The following NRG3 variants were observed in gnomAD, a reference collection of about 807,000 sequenced individuals.
The protein encoded by NRG3 is pro-neuregulin-3, membrane-bound isoform.
Under a neutral mutation model 66.9 loss-of-function variants are expected in NRG3, and 31 were observed. The ratio of observed to expected loss-of-function variants is 0.46; its 90% CI spans 0.35 to 0.63. The LOEUF (loss-of-function observed/expected upper bound fraction) is 0.63. Ranked by LOEUF, NRG3 falls within the 20% of genes least tolerant of loss-of-function variation. The pLI, the probability that NRG3 is intolerant of heterozygous loss-of-function variation, is 0.00. For synonymous variants in NRG3, 393 were observed against 359.4 expected (o/e 1.09, Z -1.06); for missense variants, 910 against 878.9 (o/e 1.04, Z -0.45).
intron 1 of NRG3, chr10:82,166,722 T>C (rs1194922145): frequency 4.8e-6 from 3 of 630,268 alleles, no homozygotes; most frequent in African/African-American, 3.6e-5. Context: ...CATTCTTTTG[T>C]TTAGATCAAT....
At chr10:82,790,297 A>G (rs930441307) in intron 3 of NRG3, among the ~76,000 whole-genome samples, 2 of 152,068 alleles carry the variant, frequency 1.3e-5, no homozygotes, top group African/African-American at 4.8e-5. Flanking sequence ...CTATTAATTA[A>G]TATTCTCTTT....
intron 1 of NRG3, among the ~76,000 whole-genome samples, chr10:81,890,998 T>A (rs1264782634): frequency 6.6e-6 from 1 of 152,186 alleles, no homozygotes; most frequent in Non-Finnish European, 1.5e-5. Flanking sequence ...AGCTACAAGG[T>A]ATGAAATGAA....
chr10:82,093,440 G>C (rs1412204721), intron 1 of NRG3, among the ~76,000 whole-genome samples: 2 of 152,124 alleles, frequency 1.3e-5, no homozygotes, highest in African/African-American at 2.4e-5. Context: ...AGTTAAAGTT[G>C]GCAGTAATTA....
At chr10:81,954,381 T>C (rs1470343070) in intron 1 of NRG3, among the ~76,000 whole-genome samples, 2 of 152,230 alleles carry the variant, frequency 1.3e-5, no homozygotes, top group Non-Finnish European at 2.9e-5. Context: ...AGTGAAGTTA[T>C]TTTCTTTCTT....
intron 2 of NRG3, among the ~76,000 whole-genome samples, chr10:82,721,628 G>T (rs1207802441): frequency 2.0e-5 from 3 of 151,682 alleles, no homozygotes; most frequent in Non-Finnish European, 4.4e-5. Flanking sequence ...TCACGGTGTT[G>T]GTCAGGCTCG....
intron 2 of NRG3, among the ~76,000 whole-genome samples, chr10:82,598,388 A>C (rs1319481992): frequency 6.6e-6 from 1 of 152,232 alleles, no homozygotes; most frequent in African/African-American, 2.4e-5. Context: ...GAAGGAAAAC[A>C]AGCCACAAAT....
Position 82,844,628 on chromosome 10 carries a change from T to C in NRG3, c.1028-20783T>C, listed in dbSNP as rs544542960. 7.9e-5 allele frequency among the ~76,000 whole-genome samples: 12 copies of C among 151,588 alleles called. No homozygotes were observed. The East Asian group carries it at 2.1e-3, about 27-fold the overall frequency. On this transcript the variant is annotated intron_variant, in intron 3 of 8. Coordinates refer to ENST00000372141, the MANE Select transcript of NRG3 (RefSeq NM_001010848.4). ...AACTTAACAACATTTTACAGGATAG[T>C]ACAAAATAGTTAATCTCCTAGGATC...
chr10:82,437,475 T>G (rs1335151265), intron 2 of NRG3, among the ~76,000 whole-genome samples: 1 of 152,064 alleles, frequency 6.6e-6, no homozygotes, highest in Non-Finnish European at 1.5e-5. Context: ...TTGCATTGTG[T>G]TAGAACATGC....
chr10:82,237,548 C>A (rs985146218), intron 1 of NRG3, among the ~76,000 whole-genome samples: 1 of 151,554 alleles, frequency 6.6e-6, no homozygotes, highest in African/African-American at 2.4e-5. Flanking sequence ...TTCATTCATT[C>A]ATATATGCTC....
intron 4 of NRG3, among the ~76,000 whole-genome samples, chr10:82,948,901 T>A (rs1347551382): frequency 2.0e-5 from 3 of 152,172 alleles, no homozygotes; most frequent in Non-Finnish European, 2.9e-5. Context: ...TGATTTTTAT[T>A]CCTATTTTTT....
intron 1 of NRG3, among the ~76,000 whole-genome samples, chr10:82,152,311 T>C (rs2070814306): frequency 6.6e-6 from 1 of 152,204 alleles, no homozygotes; most frequent in Non-Finnish European, 1.5e-5. Context: ...AGGATCTGCT[T>C]TGTTGCTAAC....
At chr10:82,194,068 C>G (rs1470149647) in intron 1 of NRG3, among the ~76,000 whole-genome samples, 5 of 152,116 alleles carry the variant, frequency 3.3e-5, no homozygotes, top group African/African-American at 1.2e-4. Context: ...AGAACCTTTA[C>G]CAAGAAGAGA....
chr10:82,804,894 T>G (rs2135460943), intron 3 of NRG3, among the ~76,000 whole-genome samples: 1 of 152,346 alleles, frequency 6.6e-6, no homozygotes, highest in South Asian at 2.1e-4. Flanking sequence ...ATGTGGAAAC[T>G]TTGATCCATA....
intron 1 of NRG3, among the ~76,000 whole-genome samples, chr10:82,307,251 T>C (rs1411590516): frequency 6.6e-6 from 1 of 152,200 alleles, no homozygotes; most frequent in Non-Finnish European, 1.5e-5. Flanking sequence ...ATCTTATTAT[T>C]TATTCTTTTC....
At chr10:82,022,586 T>C (rs1403386492) in intron 1 of NRG3, among the ~76,000 whole-genome samples, 1 of 152,120 alleles carries the variant, frequency 6.6e-6, no homozygotes, top group Non-Finnish European at 1.5e-5. Flanking sequence ...CTACAGGATT[T>C]CTTTATGATG....
intron 1 of NRG3, among the ~76,000 whole-genome samples, chr10:82,014,990 G>T (rs1337970223): frequency 2.0e-5 from 3 of 152,066 alleles, no homozygotes; most frequent in Admixed American, 6.6e-5. Context: ...TAAGCTTTCT[G>T]GGAGTCTCCA....
At chr10:81,956,569 C>G (rs186437960) in intron 1 of NRG3, among the ~76,000 whole-genome samples, 1 of 152,158 alleles carries the variant, frequency 6.6e-6, no homozygotes, top group Non-Finnish European at 1.5e-5. Context: ...TGTAACTGTA[C>G]TTTCAAAATA....
At position 82,775,499 on chromosome 10, in the gene NRG3, AT is replaced by A. The variant is rs564766540; in HGVS notation, c.1027+36855del. Among the ~76,000 whole-genome samples the A allele has an allele frequency of 2.6e-5, 4 of 152,026 alleles. No individual in the cohort carries two copies. In the South Asian group the frequency reaches 8.3e-4, roughly 32 times the overall value. ...CTAGATATGATTTCTATCTACTCAAATTTTTTAATACTTGTTTTGTGGCATA... is the reference window on the plus strand; with the variant it reads ...CTAGATATGATTTCTATCTACTCAAATTTTTAATACTTGTTTTGTGGCATA... On this transcript the variant is annotated intron_variant, in intron 3 of 8. Coordinates refer to ENST00000372141, the MANE Select transcript of NRG3 (RefSeq NM_001010848.4).
intron 2 of NRG3, among the ~76,000 whole-genome samples, chr10:82,485,523 A>G (rs1020019744): frequency 3.3e-5 from 5 of 150,262 alleles, no homozygotes; most frequent in African/African-American, 9.8e-5. Flanking sequence ...CTAATCAGAA[A>G]TGGGCCAACT....
Sources: allele counts gnomAD v4.1 joint callset (sites outside exome capture counted in the v4.1 genomes callset), GRCh38; gene constraint gnomAD v4.1.1; transcripts MANE v1.5; gene names NCBI Gene and HGNC (gene_info 2026-07-23, HGNC 2026-07-21).